The following CENPO variants were observed in gnomAD, a reference collection of about 807,000 sequenced individuals.
CENPO encodes centromere protein O, also known as centromeric protein O.
In CENPO, 30 loss-of-function variants were observed where a neutral mutation model predicts 36.1. The ratio of observed to expected loss-of-function variants is 0.83; its 90% CI spans 0.62 to 1.13. The LOEUF is 1.13. CENPO is among the 50% of genes most tolerant of loss of function. The pLI, the probability that CENPO is intolerant of heterozygous loss-of-function variation, is 0.00. For missense variants in CENPO, 349 were observed against 357.8 expected, an observed-to-expected ratio of 0.98 and a Z score of 0.20; for synonymous variants, 171 against 142.3, an observed-to-expected ratio of 1.20 and a Z score of -1.44.
intron 6 of CENPO, 151 bp downstream of exon 6, chr2:24,816,968 T>A (rs1666963804): frequency 1.6e-6 from 1 of 639,980 alleles, no homozygotes; most frequent in Non-Finnish European, 2.4e-6. Flanking sequence ...TAGAACATTC[T>A]TGTTTCTACC....
rs1262750755 is a variant in CENPO, at chr2:24,818,672, ACTCAGGGGG to A, written c.*36-681_*36-673del. On this transcript the variant is annotated intron_variant, in intron 7 of 7. Transcript: ENST00000380834. ...TAGTTAGTTAGAAATCTGCCCATTAACTCAGGGGGACTCAGGCGCCCCCCGGGTCTTCCC... is the reference window on the plus strand; with the variant it reads ...TAGTTAGTTAGAAATCTGCCCATTAAACTCAGGCGCCCCCCGGGTCTTCCC... Among the ~76,000 whole-genome samples, 8 of 152,166 alleles carry A rather than the reference ACTCAGGGGG, an allele frequency of 5.3e-5. No homozygotes were observed. In the East Asian group the frequency reaches 1.5e-3, roughly 29 times the overall value.
chr2:24,799,100 A>C (rs925120039), intron 2 of CENPO, among the ~76,000 whole-genome samples: 18 of 148,334 alleles, frequency 1.2e-4, no homozygotes, highest in African/African-American at 4.5e-4. Context: ...CCTGGATTCA[A>C]ACAATTCTGC....
Position 24,820,910 on chromosome 2 carries a change from G to GC in CENPO, c.*1594dup. The GC allele has an allele frequency of 6.3e-7, 1 of 1,594,586 alleles. No individual in the cohort carries two copies. The highest frequency in any genetic ancestry group is 8.6e-7 in the Non-Finnish European group (1 of 1,169,190). On this transcript the variant is annotated 3_prime_UTR_variant, in exon 8 of 8. Coordinates refer to ENST00000380834, the MANE Select transcript of CENPO (RefSeq NM_001322101.2). The stretch of plus-strand genomic sequence containing the variant: ...CCACACCTTGTTATGGGCCTCAGAA[G>GC]CCATCTCCTCTCCAGACCTGTACCA...
chr2:24,796,385 C>G (rs1483851665), intron 2 of CENPO, among the ~76,000 whole-genome samples: 1 of 152,110 alleles, frequency 6.6e-6, no homozygotes, highest in Non-Finnish European at 1.5e-5. Flanking sequence ...GAGTGTTTAC[C>G]ATGTGTAAAC....
At position 24,820,973 on chromosome 2, in the gene CENPO, A is replaced by G. The variant is rs1667568729; in HGVS notation, c.*1655A>G. On this transcript the variant is annotated 3_prime_UTR_variant, in exon 8 of 8. Coordinates refer to ENST00000380834, the MANE Select transcript of CENPO (RefSeq NM_001322101.2). ...TGTAACACATCATTGTCCTCATTCAACTTGGCTGTATGCTATTGGAGGGTG... is the reference window on the plus strand; with the variant it reads ...TGTAACACATCATTGTCCTCATTCAGCTTGGCTGTATGCTATTGGAGGGTG... 4.3e-6 allele frequency: 6 copies of G among 1,390,472 alleles called. No homozygotes were observed. The highest frequency in any genetic ancestry group is 4.7e-5 in the East Asian group (2 of 42,298). 86.1% of individuals were successfully genotyped at this position (1,390,472 alleles called of 1,614,324 possible). A position where few individuals can be genotyped will look rare whatever the true frequency, so the allele number is the denominator to read the frequency against.
chr2:24,803,873 C>G (rs998059928), intron 3 of CENPO, among the ~76,000 whole-genome samples: 1 of 152,124 alleles, frequency 6.6e-6, no homozygotes, highest in Non-Finnish European at 1.5e-5. Flanking sequence ...AGTTCAGTTC[C>G]TGGATATCCT....
intron 5 of CENPO, 32 bp from the exon 6 acceptor site, chr2:24,816,614 C>G: frequency 6.5e-7 from 1 of 1,528,324 alleles, no homozygotes; most frequent in Non-Finnish European, 8.8e-7. Context: ...TGCAGTCATC[C>G]TCTACTTCGT....
chr2:24,818,882 G>C (rs1667109363), intron 7 of CENPO, among the ~76,000 whole-genome samples: 1 of 152,364 alleles, frequency 6.6e-6, no homozygotes, highest in South Asian at 2.1e-4. Context: ...GTCATGACTG[G>C]CCCAAGGCCA....
chr2:24,809,724 A>G (rs1256293696), intron 3 of CENPO, among the ~76,000 whole-genome samples: 2 of 150,834 alleles, frequency 1.3e-5, no homozygotes, highest in Admixed American at 6.6e-5. Flanking sequence ...TTTTTTTTTT[A>G]AGTTACTAAT....
intron 3 of CENPO, among the ~76,000 whole-genome samples, chr2:24,802,418 G>A (rs1330824217): frequency 6.6e-6 from 1 of 152,054 alleles, no homozygotes; most frequent in African/African-American, 2.4e-5. Context: ...TTTTCAAAGG[G>A]AATGCTTCCA....
rs75988217 is a variant in CENPO, at chr2:24,816,151, A to G, written c.594+395A>G. The G allele has an allele frequency of 5.3e-3, 1,089 of 205,132 alleles. 19 individuals carry two copies. Among genetic ancestry groups the G allele is most frequent in the East Asian group, 0.021 (162 of 7,592 alleles). 12.7% of individuals were successfully genotyped at this position (205,132 alleles called of 1,614,324 possible). The stretch of plus-strand genomic sequence containing the variant: ...AAGGTTTCTGCAGTGCCATGGAACA[A>G]TGCTGTCCATCTTCCCCTAAACTCT... On this transcript the variant is annotated intron_variant, in intron 5 of 7. Coordinates refer to ENST00000380834, the MANE Select transcript of CENPO (RefSeq NM_001322101.2).
At chr2:24,797,309 G>C (rs1410672825) in intron 2 of CENPO, among the ~76,000 whole-genome samples, 1 of 152,186 alleles carries the variant, frequency 6.6e-6, no homozygotes, top group East Asian at 1.9e-4. Context: ...GGGAGATGAT[G>C]AATTCAGTCT....
At position 24,821,430 on chromosome 2, in the gene CENPO, C is replaced by T; in HGVS notation, c.*2112C>T. ...CCCCACCCGAATTGCCTCAGTTGTCCTGAGCCTCATGTCTCTCCTGGTGGT... is the reference window on the plus strand; with the variant it reads ...CCCCACCCGAATTGCCTCAGTTGTCTTGAGCCTCATGTCTCTCCTGGTGGT... On this transcript the variant is annotated 3_prime_UTR_variant, in exon 8 of 8. Transcript: ENST00000380834. The T allele has an allele frequency of 6.4e-7, 1 of 1,559,258 alleles. No individual in the cohort carries two copies. Among genetic ancestry groups the T allele is most frequent in the Non-Finnish European group, 8.7e-7 (1 of 1,149,010 alleles).
chr2:24,811,787 G>A (rs945471524), intron 3 of CENPO, among the ~76,000 whole-genome samples: 7 of 151,742 alleles, frequency 4.6e-5, no homozygotes, highest in Non-Finnish European at 8.8e-5. Context: ...TAGTAGAGAC[G>A]GGGTTTCACC....
chr2:24,793,959 A>G lies in CENPO; in HGVS notation c.40A>G (p.Lys14Glu), dbSNP rs201386953. ...ANPLRPDGES[K>E]GGVLAHLERL... ...CCCTTTACGTCCAGATGGCGAGTCC[A>G]AAGGAGGTATTCAGAGGGTCGCCGC... Residue 14 changes from lysine (K) to glutamate (E), a missense_variant, in exon 2 of 8, where the codon AAA (lysine) becomes GAA (glutamate). Physicochemically the swap from Lys to Glu is moderately conservative, Grantham distance 56. Coordinates refer to ENST00000380834, the MANE Select transcript of CENPO (RefSeq NM_001322101.2). 2 of 1,613,106 alleles carry G rather than the reference A, an allele frequency of 1.2e-6. No individual in the cohort carries two copies. Among genetic ancestry groups the G allele is most frequent in the African/African-American group, 1.3e-5 (1 of 74,710 alleles).
rs143255506 is a variant in CENPO at position 24,814,558 on chromosome 2, G to A, written c.334+65G>A. 28 of 790,634 alleles carry A rather than the reference G, an allele frequency of 3.5e-5. No individual in the cohort carries two copies. The Admixed American group carries it at 4.9e-4, about 14-fold the overall frequency. 49.0% of individuals were successfully genotyped at this position (790,634 alleles called of 1,614,324 possible). On this transcript the variant is annotated intron_variant, in intron 4 of 7. Coordinates refer to ENST00000380834, the MANE Select transcript of CENPO (RefSeq NM_001322101.2). ...CCTCTAGTGAGTTAGTTTGCTAGAT[G>A]TGTTATCAGTCCTGGAATTATTTCA...
At chr2:24,816,440 A>G in intron 5 of CENPO, 1 of 548,612 alleles carries the variant, frequency 1.8e-6, no homozygotes, top group Non-Finnish European at 3.2e-6. Context: ...TTAGGCCTAT[A>G]GGCCTTTCCA....
intron 3 of CENPO, among the ~76,000 whole-genome samples, chr2:24,802,733 T>G (rs1048557077): frequency 1.3e-5 from 2 of 152,224 alleles, no homozygotes; most frequent in Non-Finnish European, 2.9e-5. Context: ...GGGTTGCCAG[T>G]ATTTTATTGA....
rs1666954255 is a variant in CENPO, at chr2:24,816,760, T to G, written c.709T>G (p.Leu237Val). 6.2e-7 allele frequency: 1 copy of G among 1,612,152 alleles called. No homozygotes were observed. Among genetic ancestry groups the G allele is most frequent in the African/African-American group, 1.3e-5 (1 of 74,962 alleles). Residue 237 changes from leucine to valine, a missense_variant, in exon 6 of 8, where the codon TTG (leucine) becomes GTG (valine). Physicochemically the swap from Leu to Val is conservative, Grantham distance 32. Transcript: ENST00000380834. ...TCAGTCCTTCCCGTTCTGTGCTAGATTGCTGTATAAGGACCTCACAGCAAC... is the reference window on the plus strand; with the variant it reads ...TCAGTCCTTCCCGTTCTGTGCTAGAGTGCTGTATAAGGACCTCACAGCAAC... ...GGQSFPFCAR[L>V]LYKDLTATLP... is the part of the protein sequence containing the mutation.
Sources: allele counts gnomAD v4.1 joint callset (sites outside exome capture counted in the v4.1 genomes callset), GRCh38; gene constraint gnomAD v4.1.1; transcripts MANE v1.5; gene names NCBI Gene and HGNC (gene_info 2026-07-23, HGNC 2026-07-21).